The following MKX variants were observed in gnomAD, a reference collection of about 807,000 sequenced individuals.
MKX encodes the protein mohawk homeobox, also known as homeobox protein Mohawk.
A neutral mutation model predicts 36.0 loss-of-function variants in MKX; 13 were observed. The observed-to-expected ratio is 0.36, with a 90% CI of 0.24 to 0.57. The LOEUF (loss-of-function observed/expected upper bound fraction) is 0.57, where lower values mean the gene tolerates loss of function less well. Ranked by LOEUF, MKX falls within the 20% of genes least tolerant of loss-of-function variation. The probability of loss-of-function intolerance (pLI) is 0.79; values close to 1 mark genes in which losing one functional copy is unlikely to be tolerated. For missense variants in MKX, 458 were observed against 456.4 expected (o/e 1.00, Z -0.03); for synonymous variants, 176 against 178.3 (o/e 0.99, Z 0.10).
intron 5 of MKX, among the ~76,000 whole-genome samples, chr10:27,696,620 T>C (rs1355111893): frequency 6.6e-6 from 1 of 152,058 alleles, no homozygotes; most frequent in Non-Finnish European, 1.5e-5. Context: ...CTTAAATTGG[T>C]TAGTAGCCAT....
At chr10:27,688,087 G>C (rs1479050544) in intron 5 of MKX, among the ~76,000 whole-genome samples, 1 of 151,814 alleles carries the variant, frequency 6.6e-6, no homozygotes, top group African/African-American at 2.4e-5. Flanking sequence ...AATAGTACCA[G>C]AGTCATAGGG....
At chr10:27,707,879 A>G (rs1203798753) in intron 5 of MKX, among the ~76,000 whole-genome samples, 1 of 152,238 alleles carries the variant, frequency 6.6e-6, no homozygotes, top group Non-Finnish European at 1.5e-5. Flanking sequence ...TCCTCTAAAC[A>G]AAAATGCTTC....
At chr10:27,728,883 C>G (rs992535676) in intron 5 of MKX, among the ~76,000 whole-genome samples, 5 of 152,232 alleles carry the variant, frequency 3.3e-5, no homozygotes, top group Non-Finnish European at 7.3e-5. Flanking sequence ...CCCAAACTTT[C>G]TACATCCTTG....
rs1836084996 is a variant in MKX at position 27,673,402 on chromosome 10, TA to T, written c.*1826del. ...TTTATTAACATATTTAATACCAGAATAACTTATAATAGTATGAAAAAGAGTG... is the reference window on the plus strand; with the variant it reads ...TTTATTAACATATTTAATACCAGAATACTTATAATAGTATGAAAAAGAGTG... On this transcript the variant is annotated 3_prime_UTR_variant, in exon 7 of 7. Coordinates refer to ENST00000419761, the MANE Select transcript of MKX (RefSeq NM_173576.3). The T allele has an allele frequency of 6.6e-6, 1 of 152,596 alleles. No homozygotes were observed. Among genetic ancestry groups the T allele is most frequent in the Admixed American group, 6.6e-5 (1 of 15,266 alleles). The allele number at this position is 152,596 out of a possible 1,614,324, so 9.5% of individuals were successfully genotyped here. A position where few individuals can be genotyped will look rare whatever the true frequency, so the allele number is the denominator to read the frequency against.
chr10:27,702,387 A>T (rs1836673896), intron 5 of MKX, among the ~76,000 whole-genome samples: 1 of 152,202 alleles, frequency 6.6e-6, no homozygotes, highest in African/African-American at 2.4e-5. Flanking sequence ...GGGGCAGTTG[A>T]TATGTAACTA....
Position 27,743,435 on chromosome 10 carries a change from G to A in MKX, c.-20C>T, listed in dbSNP as rs1185875933. 2.6e-6 allele frequency: 4 copies of A among 1,519,756 alleles called. No individual in the cohort carries two copies. In the East Asian group the frequency reaches 7.8e-5, roughly 30 times the overall value. The allele number at this position is 1,519,756 out of a possible 1,614,324, so 94.1% of individuals were successfully genotyped here. A position where few individuals can be genotyped will look rare whatever the true frequency, so the allele number is the denominator to read the frequency against. ...GTTCATGGTGTCGGTTGGTAGGGACGCGCGGCGCGGCCGCAGAGCCTCGGG... is the reference window on the plus strand; with the variant it reads ...GTTCATGGTGTCGGTTGGTAGGGACACGCGGCGCGGCCGCAGAGCCTCGGG... On this transcript the variant is annotated 5_prime_UTR_variant, in exon 2 of 7. Coordinates refer to ENST00000419761, the MANE Select transcript of MKX (RefSeq NM_173576.3).
At position 27,734,290 on chromosome 10, in the gene MKX, G is replaced by A. The variant is rs191809534; in HGVS notation, c.838+166C>T. On this transcript the variant is annotated intron_variant, in intron 5 of 6. Coordinates refer to ENST00000419761, the MANE Select transcript of MKX (RefSeq NM_173576.3). ...GTAAGACCATAATCTACTAACAAAT[G>A]TATCCATTGGCAATTCTAAACAAAA... Among the ~76,000 whole-genome samples, 7 of 152,228 alleles carry A rather than the reference G, an allele frequency of 4.6e-5. No individual in the cohort carries two copies. In the East Asian group the frequency reaches 9.7e-4, roughly 21 times the overall value.
intron 5 of MKX, among the ~76,000 whole-genome samples, chr10:27,688,561 G>A (rs1256292759): frequency 6.6e-6 from 1 of 152,182 alleles, no homozygotes; most frequent in Non-Finnish European, 1.5e-5. Context: ...TACCCAAAGT[G>A]TTTCATCCAT....
chr10:27,708,112 TA>T (rs60778205), intron 5 of MKX, among the ~76,000 whole-genome samples: 19 of 152,006 alleles, frequency 1.2e-4, no homozygotes, highest in African/African-American at 3.6e-4. Flanking sequence ...TGATTTAATT[TA>T]AAAAAAACTA....
rs527630480 is a variant in MKX at position 27,744,653 on chromosome 10, C to G, written c.-83+1054G>C. ...GGCCTCAGCTTCGCTGCCAGCGCCC[C>G]CTTTGCCCGTCCAGCCGCGGCATGG... On this transcript the variant is annotated intron_variant, in intron 1 of 6. Transcript: ENST00000419761. The surrounding 1 kb of genome is among the most constrained non-coding windows in gnomAD (Gnocchi z 5.6). 6.5e-6 allele frequency: 1 copy of G among 153,066 alleles called. No homozygotes were observed. Among genetic ancestry groups the G allele is most frequent in the Non-Finnish European group, 1.5e-5 (1 of 68,806 alleles). 9.5% of individuals were successfully genotyped at this position (153,066 alleles called of 1,614,324 possible). A position where few individuals can be genotyped will look rare whatever the true frequency, so the allele number is the denominator to read the frequency against.
In MKX at chr10:27,675,058, T is replaced by C. The variant is rs575000491; in HGVS notation, c.*171A>G. The C allele has an allele frequency of 4.7e-4, 254 of 536,582 alleles. 3 individuals are homozygous for C. Among genetic ancestry groups the C allele is most frequent in the African/African-American group, 4.6e-3 (238 of 52,112 alleles). 33.2% of individuals were successfully genotyped at this position (536,582 alleles called of 1,614,324 possible). ...TTAATATTTTTGATTAAAATGAGTTTTTTATAATTTATATGTCTTTTATAG... is the reference window on the plus strand; with the variant it reads ...TTAATATTTTTGATTAAAATGAGTTCTTTATAATTTATATGTCTTTTATAG... On this transcript the variant is annotated 3_prime_UTR_variant, in exon 7 of 7. Coordinates refer to ENST00000419761, the MANE Select transcript of MKX (RefSeq NM_173576.3).
intron 3 of MKX, among the ~76,000 whole-genome samples, chr10:27,739,570 T>G (rs537794564): frequency 3.3e-5 from 5 of 152,258 alleles, no homozygotes; most frequent in African/African-American, 1.2e-4. Context: ...GAACTATCAT[T>G]ACAGGTGGCA....
rs191091686 is a variant in MKX, at chr10:27,694,117, C to A, written c.839-18563G>T. On this transcript the variant is annotated intron_variant, in intron 5 of 6. Coordinates refer to ENST00000419761, the MANE Select transcript of MKX (RefSeq NM_173576.3). ...CTGGGAGTCCATTAAACCTCTTTTT[C>A]TTGATAAATCACCCAGTCTTGGGTA... Among the ~76,000 whole-genome samples, 292 of 152,232 alleles carry A rather than the reference C, an allele frequency of 1.9e-3. 1 individual carries two copies. Among genetic ancestry groups the A allele is most frequent in the African/African-American group, 6.7e-3 (277 of 41,544 alleles).
At chr10:27,738,752 C>A (rs1368816265) in intron 3 of MKX, among the ~76,000 whole-genome samples, 5 of 151,990 alleles carry the variant, frequency 3.3e-5, no homozygotes. Context: ...GTTGACAGAG[C>A]AATTGTTATA....
intron 5 of MKX, among the ~76,000 whole-genome samples, chr10:27,701,214 G>C (rs1017571089): frequency 3.3e-5 from 5 of 151,940 alleles, no homozygotes; most frequent in African/African-American, 1.2e-4. Context: ...CACTGCTACT[G>C]TTGGAACAAT....
At chr10:27,724,268 T>C (rs943280498) in intron 5 of MKX, among the ~76,000 whole-genome samples, 1 of 152,162 alleles carries the variant, frequency 6.6e-6, no homozygotes, top group Non-Finnish European at 1.5e-5. Context: ...TACTCAAAAG[T>C]ACTGAAGTCA....
chr10:27,691,162 T>C (rs2132509659), intron 5 of MKX, among the ~76,000 whole-genome samples: 2 of 152,166 alleles, frequency 1.3e-5, no homozygotes, highest in South Asian at 4.1e-4. Flanking sequence ...AATGGAAAAA[T>C]ATAGGCCTCT....
intron 5 of MKX, among the ~76,000 whole-genome samples, chr10:27,684,931 A>T (rs896545579): frequency 1.3e-5 from 2 of 152,260 alleles, no homozygotes; most frequent in African/African-American, 4.8e-5. Flanking sequence ...TGAGAATCTA[A>T]TGCTGCTGTT....
chr10:27,715,961 A>G (rs1252433591), intron 5 of MKX, among the ~76,000 whole-genome samples: 1 of 152,198 alleles, frequency 6.6e-6, no homozygotes, highest in African/African-American at 2.4e-5. Context: ...TCTCTCAAAA[A>G]TAAACTGCCA....
Sources: gnomAD v4.1 joint callset for allele counts (sites outside exome capture counted in the v4.1 genomes callset) on GRCh38, gnomAD v4.1.1 for gene constraint, Gnocchi (gnomAD v3.1) non-coding constraint, MANE v1.5 for transcripts, NCBI Gene and HGNC (gene_info 2026-07-23, HGNC 2026-07-21) for gene names.